The following GBP7 variants were observed in gnomAD, a reference collection of about 807,000 sequenced individuals.
GBP7 encodes guanylate-binding protein 7.
Under a neutral mutation model 61.3 loss-of-function variants are expected in GBP7, and 43 were observed. That is an observed-to-expected ratio of 0.70 (90% CI 0.55 to 0.91). The LOEUF is 0.91. Ranked by LOEUF, GBP7 falls within the 40% of genes least tolerant of loss-of-function variation. GBP7 has a pLI of 0.00. For synonymous variants in GBP7, 267 were observed against 271.0 expected (o/e 0.99, Z 0.14); for missense variants, 717 against 740.5 (o/e 0.97, Z 0.37).
intron 3 of GBP7, among the ~76,000 whole-genome samples, chr1:89,158,592 A>G (rs1682366808): frequency 6.6e-6 from 1 of 152,206 alleles, no homozygotes; most frequent in South Asian, 2.1e-4. Context: ...CCAAATCATG[A>G]GTGAACTCCC....
At chr1:89,165,822 T>C (rs1647409802) in intron 2 of GBP7, among the ~76,000 whole-genome samples, 1 of 151,978 alleles carries the variant, frequency 6.6e-6, no homozygotes, top group Admixed American at 6.6e-5. Context: ...ATGCAGATGA[T>C]GGGTTGATGG....
At chr1:89,157,317 A>G (rs1682339241) in intron 3 of GBP7, among the ~76,000 whole-genome samples, 1 of 152,182 alleles carries the variant, frequency 6.6e-6, no homozygotes, top group African/African-American at 2.4e-5. Flanking sequence ...GAGCAAACAC[A>G]TTCAAAAGCT....
intron 3 of GBP7, among the ~76,000 whole-genome samples, chr1:89,158,690 T>A (rs1053947783): frequency 6.6e-6 from 1 of 152,068 alleles, no homozygotes; most frequent in African/African-American, 2.4e-5. Flanking sequence ...ACTACAAACC[T>A]CTGCTCAATG....
At chr1:89,156,853 G>A (rs1371374412) in intron 3 of GBP7, among the ~76,000 whole-genome samples, 1 of 152,088 alleles carries the variant, frequency 6.6e-6, no homozygotes, top group Admixed American at 6.5e-5. Context: ...TGCATGAAGA[G>A]GACCTAATAG....
At chr1:89,161,956 A>G (rs1464256940) in intron 3 of GBP7, among the ~76,000 whole-genome samples, 1 of 151,896 alleles carries the variant, frequency 6.6e-6, no homozygotes, top group Non-Finnish European at 1.5e-5. Flanking sequence ...ATATGGTCTA[A>G]GTAAAGGGTC....
At position 89,164,864 on chromosome 1, in the gene GBP7, A is replaced by G. The variant is rs748755812; in HGVS notation, c.191-6T>C. On this transcript the variant is annotated splice_polypyrimidine_tract_variant and splice_region_variant and intron_variant, in intron 2 of 10. Transcript: ENST00000294671. ...TGTGCAGCCCAGAGGGAAGCCTTCA[A>G]GGGAAGAGGAGAAACAACATATAGT... 1 of 1,613,302 alleles carries G rather than the reference A, an allele frequency of 6.2e-7. No homozygotes were observed. Among genetic ancestry groups the G allele is most frequent in the African/African-American group, 1.3e-5 (1 of 75,006 alleles).
At chr1:89,165,095 T>C (rs1647386136) in intron 2 of GBP7, among the ~76,000 whole-genome samples, 1 of 152,222 alleles carries the variant, frequency 6.6e-6, no homozygotes, top group African/African-American at 2.4e-5. Context: ...ACAGAATTAA[T>C]GTAAACTCTA....
Position 89,171,905 on chromosome 1 carries a change from C to T in GBP7, c.31G>A (p.Val11Met), listed in dbSNP as rs1274150585. 1 of 1,613,222 alleles carries T rather than the reference C, an allele frequency of 6.2e-7. No homozygotes were observed. Among genetic ancestry groups the T allele is most frequent in the Non-Finnish European group, 8.5e-7 (1 of 1,179,362 alleles). The change falls in exon 2 of 11, where the codon GTG (valine) becomes ATG (methionine). Residue 11 changes from valine to methionine, a missense_variant. Coordinates refer to ENST00000294671, the MANE Select transcript of GBP7 (RefSeq NM_207398.3). ...CCTTTAGTGTTCTCAGTGAGGCACA[C>T]TGGGCCTGGCATGTGGATCTCTGAT... MASEIHMPGPVCLTENTKGHL... is the reference protein window; with the variant it reads MASEIHMPGPMCLTENTKGHL...
chr1:89,145,576 G>A (rs1001727002), intron 8 of GBP7, among the ~76,000 whole-genome samples: 4 of 151,986 alleles, frequency 2.6e-5, no homozygotes, highest in African/African-American at 9.7e-5. Context: ...TAGTTCCTTT[G>A]GAAATACAAC....
chr1:89,152,888 A>G, intron 3 of GBP7, 111 bp from the exon 4 acceptor site: 1 of 726,416 alleles, frequency 1.4e-6, no homozygotes, highest in African/African-American at 1.8e-5. Context: ...GTTTTCCCAA[A>G]ATGCTGTGTC....
chr1:89,160,953 A>G (rs1014259240), intron 3 of GBP7, among the ~76,000 whole-genome samples: 15 of 152,022 alleles, frequency 9.9e-5, no homozygotes, highest in Non-Finnish European at 8.8e-5. Context: ...ACCCTCAGAT[A>G]GGCTCCAATG....
intron 9 of GBP7, among the ~76,000 whole-genome samples, chr1:89,137,519 G>A (rs1055599503): frequency 1.3e-5 from 2 of 151,968 alleles, no homozygotes; most frequent in African/African-American, 4.8e-5. Flanking sequence ...ATAATAAATT[G>A]ATTCCTCACA....
At chr1:89,132,991 C>T (rs1233775052) in intron 10 of GBP7, among the ~76,000 whole-genome samples, 5 of 152,158 alleles carry the variant, frequency 3.3e-5, no homozygotes, top group Non-Finnish European at 7.4e-5. Context: ...AATTGGGGCA[C>T]AGTGAGACCA....
rs1682169219 is a variant in GBP7 at position 89,150,510 on chromosome 1, GT to G, written c.690del (p.Lys230AsnfsTer11). 1.2e-6 allele frequency: 2 copies of G among 1,613,808 alleles called. No homozygotes were observed. The highest frequency in any genetic ancestry group is 1.7e-6 in the Non-Finnish European group (2 of 1,179,814). On this transcript the variant is annotated frameshift_variant, in exon 6 of 11. Transcript: ENST00000294671. LOFTEE classifies it high-confidence loss of function. Reference sequence around the variant, plus strand: ...GGCCGGTCAAAGACAAAGCACTTCTGTTTTGGAAAGAAATGCCTGATCCACT... The same window carrying G: ...GGCCGGTCAAAGACAAAGCACTTCTGTTTGGAAAGAAATGCCTGATCCACT... Reference protein sequence around the residue: ...PREWIRHFFPKQKCFVFDRPI... With the variant: ...PREWIRHFFPXQKCFVFDRPI...
chr1:89,146,831 C>T (rs182360909), intron 8 of GBP7, among the ~76,000 whole-genome samples: 1 of 152,142 alleles, frequency 6.6e-6, no homozygotes, highest in Non-Finnish European at 1.5e-5. Flanking sequence ...CCTTAGACAC[C>T]GTTGGGAGGA....
At chr1:89,151,636 T>C (rs1320957573) in intron 5 of GBP7, among the ~76,000 whole-genome samples, 2 of 152,172 alleles carry the variant, frequency 1.3e-5, no homozygotes, top group African/African-American at 4.8e-5. Flanking sequence ...AACAAATGTA[T>C]AATAGATTGA....
intron 9 of GBP7, among the ~76,000 whole-genome samples, chr1:89,135,280 A>G (rs1219047810): frequency 6.6e-6 from 1 of 152,240 alleles, no homozygotes; most frequent in Admixed American, 6.5e-5. Context: ...ATTTGAGGAT[A>G]ATGCCCATGA....
In GBP7 at chr1:89,149,382, G is replaced by A. The variant is rs777949392; in HGVS notation, c.1062C>T (p.Asp354=). The change falls in exon 7 of 11, where the codon GAC becomes GAT. Residue 354 remains aspartate, a synonymous_variant. Coordinates refer to ENST00000294671, the MANE Select transcript of GBP7 (RefSeq NM_207398.3). ...CTTCCCTCTCACAAACTGCATGCAC[G>A]TCCAGCAGCTCCTGGAGTGTGTCTG... The part of the protein sequence containing the change: ...FPTDTLQELL[D]VHAVCEREAI... The A allele has an allele frequency of 3.1e-6, 5 of 1,614,106 alleles. No individual in the cohort carries two copies. Among genetic ancestry groups the A allele is most frequent in the South Asian group, 1.1e-5 (1 of 91,084 alleles).
rs537791886 is a variant in GBP7, at chr1:89,171,888, G to T, written c.48C>A (p.Asn16Lys). ...HMPGPVCLTENTKGHLVVNSE... is the reference protein window; with the variant it reads ...HMPGPVCLTEKTKGHLVVNSE... ...AATTCACCACCAGATGCCCTTTAGTGTTCTCAGTGAGGCACACTGGGCCTG... is the reference window on the plus strand; with the variant it reads ...AATTCACCACCAGATGCCCTTTAGTTTTCTCAGTGAGGCACACTGGGCCTG... Residue 16 changes from asparagine to lysine, a missense_variant, in exon 2 of 11, where the codon AAC becomes AAA. Around this residue, in one of 3 missense-constraint regions of GBP7, gnomAD observed 387 missense variants for 385.2 expected, o/e 1.00. Coordinates refer to ENST00000294671, the MANE Select transcript of GBP7 (RefSeq NM_207398.3). 3.7e-6 allele frequency: 6 copies of T among 1,613,740 alleles called. No homozygotes were observed. The highest frequency in any genetic ancestry group is 5.1e-6 in the Non-Finnish European group (6 of 1,179,820).
Sources: allele counts gnomAD v4.1 joint callset (sites outside exome capture counted in the v4.1 genomes callset), GRCh38; gene constraint gnomAD v4.1.1; regional missense constraint gnomAD v4.1.1; transcripts MANE v1.5; gene names NCBI Gene and HGNC (gene_info 2026-07-23, HGNC 2026-07-21).